The following C9orf50 variants were observed in gnomAD, a reference collection of about 807,000 sequenced individuals.
C9orf50 encodes the protein uncharacterized protein C9orf50.
In C9orf50, 33 loss-of-function variants were observed where a neutral mutation model predicts 42.5. That is an observed-to-expected ratio of 0.78 (90% confidence interval 0.59 to 1.04). The LOEUF is 1.04. Ranked by LOEUF, C9orf50 falls within the 50% of genes least tolerant of loss-of-function variation. The pLI is 0.00. For synonymous variants in C9orf50, 257 were observed against 273.4 expected, an observed-to-expected ratio of 0.94 and a Z score of 0.59; for missense variants, 547 against 594.3, an observed-to-expected ratio of 0.92 and a Z score of 0.83.
exon 3 of C9orf50, chr9:129,619,624 C>A (rs745405190): frequency 1.2e-6 from 2 of 1,613,944 alleles, no homozygotes; most frequent in Non-Finnish European, 8.5e-7. Context: ...CCTGGAGGTG[C>A]GATGACTGGC....
intron 6 of C9orf50, 146 bp downstream of exon 6, chr9:129,612,961 G>T: frequency 1.0e-6 from 1 of 982,252 alleles, no homozygotes; most frequent in Non-Finnish European, 1.5e-6. Flanking sequence ...ACAGGGCGTG[G>T]CCACTGCAAG....
rs899774755 is a variant in C9orf50, at chr9:129,613,010, C to T, written c.1188+97G>A. Reference sequence around the variant, plus strand: ...TTGGCTCTCAGGGAGGGTCCACTCCCAGCCCCAGCCACTCCACCAAACAGG... The same window carrying T: ...TTGGCTCTCAGGGAGGGTCCACTCCTAGCCCCAGCCACTCCACCAAACAGG... On this transcript the variant is annotated intron_variant, in intron 6 of 6. Transcript: ENST00000372478. The surrounding 1 kb of genome is among the most constrained non-coding windows in gnomAD (Gnocchi z 6.2). The T allele has an allele frequency of 5.9e-6, 9 of 1,516,438 alleles. No homozygotes were observed. Among genetic ancestry groups the T allele is most frequent in the Non-Finnish European group, 7.1e-6 (8 of 1,119,852 alleles). 93.9% of individuals were successfully genotyped at this position (1,516,438 alleles called of 1,614,324 possible). A position where few individuals can be genotyped will look rare whatever the true frequency, so the allele number is the denominator to read the frequency against.
Position 129,620,718 on chromosome 9 carries a change from G to T in C9orf50, c.-144C>A. ...GCGGGGTGAACGCCACCGGCCCGGC[G>T]GACAGCGAGTGGCTTCAGGCGAGAG... is the stretch of plus-strand genomic sequence containing the variant. On this transcript the variant is annotated 5_prime_UTR_variant, in exon 1 of 7. Transcript: ENST00000372478. This position sits in a 1 kb window ranked among gnomAD's most constrained non-coding sequence, Gnocchi z 5.8. 1.4e-6 allele frequency: 1 copy of T among 716,204 alleles called. No homozygotes were observed. The highest frequency in any genetic ancestry group is 1.9e-6 in the Non-Finnish European group (1 of 518,006). The allele number at this position is 716,204 out of a possible 1,614,324, so 44.4% of individuals were successfully genotyped here. A position where few individuals can be genotyped will look rare whatever the true frequency, so the allele number is the denominator to read the frequency against.
chr9:129,614,090 G>A lies in C9orf50; in HGVS notation c.881-493C>T, dbSNP rs917191966. 3.3e-5 allele frequency among the ~76,000 whole-genome samples: 5 copies of A among 152,224 alleles called. No individual in the cohort carries two copies. Among genetic ancestry groups the A allele is most frequent in the African/African-American group, 1.2e-4 (5 of 41,454 alleles). On this transcript the variant is annotated intron_variant, in intron 4 of 6. Coordinates refer to ENST00000372478, the Ensembl canonical transcript of C9orf50. This position sits in a 1 kb window ranked among gnomAD's most constrained non-coding sequence, Gnocchi z 4.4. The stretch of plus-strand genomic sequence containing the variant: ...CCCTGCTGCCCGGGACACCATGATA[G>A]CTCCTTATGGCCAGTGGCTGACACG...
At chr9:129,612,767 T>C (rs1397533962) in intron 6 of C9orf50, among the ~76,000 whole-genome samples, 1 of 151,850 alleles carries the variant, frequency 6.6e-6, no homozygotes, top group Non-Finnish European at 1.5e-5. Flanking sequence ...ATTGCAGAGG[T>C]TGCAGTGAGC....
At chr9:129,612,425 C>T in exon 7 of C9orf50, 2 of 1,612,682 alleles carry the variant, frequency 1.2e-6, no homozygotes, top group Non-Finnish European at 1.7e-6. Context: ...TCAGGACCGA[C>T]TGCAGCACCC....
In C9orf50 at chr9:129,620,580, G is replaced by A; in HGVS notation, c.-6C>T. 25 of 1,349,316 alleles carry A rather than the reference G, an allele frequency of 1.9e-5. No individual in the cohort carries two copies. The highest frequency in any genetic ancestry group is 2.4e-5 in the Non-Finnish European group (25 of 1,048,954). 83.6% of individuals were successfully genotyped at this position (1,349,316 alleles called of 1,614,324 possible). A position where few individuals can be genotyped will look rare whatever the true frequency, so the allele number is the denominator to read the frequency against. ...CGAAGTCGACGCCAGAACATGCTTG[G>A]CCCCGCACTCAGCTCACCGCACCCT... On this transcript the variant is annotated 5_prime_UTR_variant, in exon 1 of 7. Transcript: ENST00000372478. This position sits in a 1 kb window ranked among gnomAD's most constrained non-coding sequence, Gnocchi z 5.8.
intron 1 of C9orf50, 64 bp from the exon 2 acceptor site, chr9:129,619,894 C>T: frequency 6.4e-7 from 1 of 1,569,266 alleles, no homozygotes; most frequent in South Asian, 1.1e-5. Context: ...GTCATGTGGC[C>T]TCGGGGTGAT....
chr9:129,619,370 A>C, intron 3 of C9orf50, 150 bp downstream of exon 3: 1 of 664,616 alleles, frequency 1.5e-6, no homozygotes, highest in Non-Finnish European at 2.6e-6. Flanking sequence ...GGTTGGTAGA[A>C]GATCTGATTC....
Position 129,620,388 on chromosome 9 carries a change from G to A in C9orf50, c.187C>T (p.Pro63Ser). Residue 63 changes from proline (P) to serine (S), a missense_variant, in exon 1 of 7, where the codon CCG (proline) becomes TCG (serine). By Grantham distance (74) the Pro-to-Ser change is moderately conservative. Transcript: ENST00000372478. This position sits in a 1 kb window ranked among gnomAD's most constrained non-coding sequence, Gnocchi z 5.8. ...ACCCCGGGCTTGGCGTCCCCTTCCG[G>A]CCACCACGCGGCGCCGCCCCCCGGG... 1 of 1,232,022 alleles carries A rather than the reference G, an allele frequency of 8.1e-7. No homozygotes were observed. Among genetic ancestry groups the A allele is most frequent in the Non-Finnish European group, 1.0e-6 (1 of 988,096 alleles). 76.3% of individuals were successfully genotyped at this position (1,232,022 alleles called of 1,614,324 possible).
chr9:129,616,211 T>C (rs1006105230), intron 3 of C9orf50, among the ~76,000 whole-genome samples: 3 of 151,998 alleles, frequency 2.0e-5, no homozygotes. Context: ...CAGGGAGCTG[T>C]TTTTTGTTTT....
In C9orf50 at chr9:129,613,016, C is replaced by T. The variant is rs1039581807; in HGVS notation, c.1188+91G>A. ...CTCAGGGAGGGTCCACTCCCAGCCC[C>T]AGCCACTCCACCAAACAGGGCTGCT... On this transcript the variant is annotated intron_variant, in intron 6 of 6. Coordinates refer to ENST00000372478, the Ensembl canonical transcript of C9orf50. This position sits in a 1 kb window ranked among gnomAD's most constrained non-coding sequence, Gnocchi z 6.2. 1.3e-6 allele frequency: 2 copies of T among 1,541,718 alleles called. No homozygotes were observed. The highest frequency in any genetic ancestry group is 1.2e-5 in the South Asian group (1 of 86,474).
At chr9:129,615,614 C>A in exon 4 of C9orf50, 2 of 1,597,308 alleles carry the variant, frequency 1.3e-6, no homozygotes, top group Admixed American at 1.7e-5. Context: ...TCAGCGCAGC[C>A]TTGAGCCTGG....
intron 3 of C9orf50, among the ~76,000 whole-genome samples, chr9:129,617,382 A>G (rs1214112735): frequency 1.3e-5 from 2 of 152,236 alleles, no homozygotes; most frequent in Admixed American, 1.3e-4. Flanking sequence ...AGGCAAAGGC[A>G]TAACCCAGCT....
In C9orf50 at chr9:129,613,774, G is replaced by C. The variant is rs1830206799; in HGVS notation, c.881-177C>G. The stretch of plus-strand genomic sequence containing the variant: ...AAGCCTTGGGTTTTAAAACCACCTT[G>C]CGTGACCATTTCTGTTATACCCAAG... On this transcript the variant is annotated intron_variant, in intron 4 of 6. Transcript: ENST00000372478. The surrounding 1 kb of genome is among the most constrained non-coding windows in gnomAD (Gnocchi z 6.2). Among the ~76,000 whole-genome samples the C allele has an allele frequency of 6.6e-6, 1 of 152,200 alleles. No individual in the cohort carries two copies. The highest frequency in any genetic ancestry group is 1.9e-4 in the East Asian group (1 of 5,182).
Position 129,615,468 on chromosome 9 carries a change from C to T in C9orf50, c.880+16G>A. 6.4e-7 allele frequency: 1 copy of T among 1,567,796 alleles called. No individual in the cohort carries two copies. Among genetic ancestry groups the T allele is most frequent in the Non-Finnish European group, 8.6e-7 (1 of 1,156,572 alleles). On this transcript the variant is annotated intron_variant, in intron 4 of 6. Transcript: ENST00000372478. ...AACTTTCGGGAGTCTCGAGGCTCCC[C>T]ATCCTGTCTGCTTACCTGAGCGTCT...
intron 3 of C9orf50, 47 bp from the exon 4 acceptor site, chr9:129,615,694 C>T (rs1373466114): frequency 6.7e-7 from 1 of 1,484,300 alleles, no homozygotes; most frequent in Admixed American, 2.3e-5. Flanking sequence ...CCACCGTACC[C>T]CAGCACACAC....
Position 129,615,653 on chromosome 9 carries a change from A to G in C9orf50, c.717-6T>C. ...CCTGTGCACCGTGGGGCCTGCTGAG[A>G]GAGGGGAGAGGGGCCTGTGCTCGAA... On this transcript the variant is annotated splice_polypyrimidine_tract_variant and splice_region_variant and intron_variant, in intron 3 of 6. Transcript: ENST00000372478. 11 of 1,536,442 alleles carry G rather than the reference A, an allele frequency of 7.2e-6. No homozygotes were observed. Among genetic ancestry groups the G allele is most frequent in the Non-Finnish European group, 9.6e-6 (11 of 1,147,128 alleles).
chr9:129,613,880 C>G lies in C9orf50; in HGVS notation c.881-283G>C, dbSNP rs1031778630. On this transcript the variant is annotated intron_variant, in intron 4 of 6. Transcript: ENST00000372478. This position sits in a 1 kb window ranked among gnomAD's most constrained non-coding sequence, Gnocchi z 6.2. ...GCAGTGGGGAGACCACTTACCCCAT[C>G]ATAGAAATCCCAGAAACCATGCTGA... 1.3e-5 allele frequency among the ~76,000 whole-genome samples: 2 copies of G among 152,226 alleles called. No individual in the cohort carries two copies. Among genetic ancestry groups the G allele is most frequent in the African/African-American group, 4.8e-5 (2 of 41,462 alleles).
Sources: allele counts gnomAD v4.1 joint callset (sites outside exome capture counted in the v4.1 genomes callset), GRCh38; gene constraint gnomAD v4.1.1; non-coding constraint Gnocchi (gnomAD v3.1); transcripts MANE v1.5; gene names NCBI Gene and HGNC (gene_info 2026-07-23, HGNC 2026-07-21).